CATSPERT: variants seen among roughly 807,000 people sequenced by gnomAD.
The protein encoded by CATSPERT is catsper channel auxiliary subunit tau, also known as cation channel sperm-associated targeting subunit tau.
At chr2:201,572,046 G>A in the CATSPERT span, 1 of 1,555,166 alleles carries the variant, frequency 6.4e-7, no homozygotes, top group Non-Finnish European at 8.9e-7. Context: ...GTGTATTTTA[G>A]CACTGTTTAG....
At chr2:201,589,619 T>C in the CATSPERT span, among the ~76,000 whole-genome samples, 5 of 151,992 alleles carry the variant, frequency 3.3e-5, no homozygotes, top group African/African-American at 1.2e-4. Context: ...ATTGATTAAA[T>C]ATTTAAATGT....
chr2:201,604,788 T>C, the CATSPERT span: 10 of 939,936 alleles, frequency 1.1e-5, no homozygotes, highest in African/African-American at 1.7e-4. Context: ...GAATCTCTAG[T>C]AAGTGTCAGG....
At chr2:201,558,022 C>T in the CATSPERT span, 1 of 152,222 alleles carries the variant, frequency 6.6e-6, no homozygotes, top group Non-Finnish European at 1.5e-5. Flanking sequence ...TTACAGGCTT[C>T]TACCCCAAGG....
chr2:201,585,820 G>A, the CATSPERT span, among the ~76,000 whole-genome samples: 1 of 152,062 alleles, frequency 6.6e-6, no homozygotes, highest in Non-Finnish European at 1.5e-5. Flanking sequence ...CAAGAAAGAA[G>A]AAAAATGGAA....
chr2:201,614,902 T>C, the CATSPERT span, among the ~76,000 whole-genome samples: 1 of 151,872 alleles, frequency 6.6e-6, no homozygotes, highest in South Asian at 2.1e-4. Flanking sequence ...AAAGCAGGGG[T>C]TGCAATGCTA....
chr2:201,554,039 A>T, the CATSPERT span: 1 of 152,216 alleles, frequency 6.6e-6, no homozygotes, highest in Admixed American at 6.5e-5. Flanking sequence ...TAAGTATGGC[A>T]ACAAGTTTAA....
At chr2:201,536,966 G>C in the CATSPERT span, among the ~76,000 whole-genome samples, 1 of 151,902 alleles carries the variant, frequency 6.6e-6, no homozygotes, top group Non-Finnish European at 1.5e-5. Context: ...TTTACATGGG[G>C]AGCCACTCCT....
At chr2:201,615,877 C>G in the CATSPERT span, among the ~76,000 whole-genome samples, 3 of 152,204 alleles carry the variant, frequency 2.0e-5, no homozygotes, top group East Asian at 5.8e-4. Context: ...AAGGGGATAT[C>G]ACCACCGATC....
the CATSPERT span, among the ~76,000 whole-genome samples, chr2:201,577,024 A>G: frequency 1.0e-3 from 153 of 152,328 alleles, no homozygotes; most frequent in Non-Finnish European, 1.8e-3. Context: ...GAGTGCCAAA[A>G]TGACACAGAA....
At chr2:201,571,374 ATC>A in the CATSPERT span, among the ~76,000 whole-genome samples, 13 of 152,014 alleles carry the variant, frequency 8.6e-5, no homozygotes, top group Non-Finnish European at 1.6e-4. Context: ...CATAGATTAA[ATC>A]TCTTTCTCAG....
At chr2:201,535,600 T>A in the CATSPERT span, 5 of 1,070,926 alleles carry the variant, frequency 4.7e-6, no homozygotes, top group Non-Finnish European at 4.5e-6. Context: ...TTCAGCTGAA[T>A]TACTAACCCA....
At chr2:201,604,741 A>C in the CATSPERT span, 1 of 1,419,256 alleles carries the variant, frequency 7.0e-7, no homozygotes, top group Non-Finnish European at 9.7e-7. Flanking sequence ...AAAGACAAAC[A>C]TAACTAGATG....
the CATSPERT span, among the ~76,000 whole-genome samples, chr2:201,543,320 T>C: frequency 2.0e-5 from 3 of 152,204 alleles, no homozygotes; most frequent in Non-Finnish European, 4.4e-5. Context: ...CAAGACTGTT[T>C]TGACTATCCA....
At chr2:201,580,483 G>A in the CATSPERT span, among the ~76,000 whole-genome samples, 2 of 152,060 alleles carry the variant, frequency 1.3e-5, no homozygotes, top group Non-Finnish European at 2.9e-5. Context: ...TCATAAACTG[G>A]TATTCTTTTG....
At chr2:201,545,200 G>T in the CATSPERT span, among the ~76,000 whole-genome samples, 1 of 151,190 alleles carries the variant, frequency 6.6e-6, no homozygotes, top group Non-Finnish European at 1.5e-5. Context: ...ACCGCGCCTG[G>T]CTAATTTTTT....
the CATSPERT span, among the ~76,000 whole-genome samples, chr2:201,542,092 A>G: frequency 6.6e-6 from 1 of 152,116 alleles, no homozygotes; most frequent in Non-Finnish European, 1.5e-5. Context: ...AGTCATGTAC[A>G]TTGACTTTTT....
At chr2:201,491,257 A>T in the CATSPERT span, 1 of 1,537,912 alleles carries the variant, frequency 6.5e-7, no homozygotes, top group East Asian at 2.4e-5. Context: ...TGTGGTTGGT[A>T]GTATCCTGAC....
chr2:201,594,388 C>T, the CATSPERT span, among the ~76,000 whole-genome samples: 80 of 152,296 alleles, frequency 5.3e-4, no homozygotes, highest in African/African-American at 1.6e-3. Flanking sequence ...GTAACCCGAC[C>T]TTTCTCTCTG....
At chr2:201,550,449 A>C in the CATSPERT span, 1 of 152,146 alleles carries the variant, frequency 6.6e-6, no homozygotes, top group African/African-American at 2.4e-5. Context: ...AAATTTCAAA[A>C]TATACCTACT....
Sources: gnomAD v4.1 joint callset for allele counts (sites outside exome capture counted in the v4.1 genomes callset) on GRCh38, gnomAD v4.1.1 for gene constraint, MANE v1.5 for transcripts, NCBI Gene and HGNC (gene_info 2026-07-23, HGNC 2026-07-21) for gene names.